The following EIF2S1 variants were observed in gnomAD, a reference collection of about 807,000 sequenced individuals.
The protein encoded by EIF2S1 is eukaryotic translation initiation factor 2 subunit alpha.
Under a neutral mutation model 33.5 loss-of-function variants are expected in EIF2S1, and 5 were observed. That is an observed-to-expected ratio of 0.15 (90% CI 0.08 to 0.31). The LOEUF is 0.31. Ranked by LOEUF, EIF2S1 falls within the 10% of genes least tolerant of loss-of-function variation. The probability of loss-of-function intolerance (pLI) is 1.00; values close to 1 mark genes in which losing one functional copy is unlikely to be tolerated. For synonymous variants in EIF2S1, 99 were observed against 127.5 expected (o/e 0.78, Z 1.51); for missense variants, 191 against 384.6 (o/e 0.50, Z 4.21).
chr14:67,366,735 A>G (rs757163967), intron 2 of EIF2S1, among the ~76,000 whole-genome samples: 6 of 152,154 alleles, frequency 3.9e-5, no homozygotes, highest in Non-Finnish European at 7.3e-5. Context: ...CGTAAATGCC[A>G]TAAACCCTGA....
chr14:67,382,865 T>C (rs1289982499), intron 7 of EIF2S1, among the ~76,000 whole-genome samples: 4 of 152,090 alleles, frequency 2.6e-5, no homozygotes, highest in African/African-American at 9.7e-5. Context: ...CTCCTGTCTT[T>C]TCCTTGTCCA....
intron 4 of EIF2S1, among the ~76,000 whole-genome samples, chr14:67,379,451 C>T (rs899906015): frequency 1.3e-5 from 2 of 152,066 alleles, no homozygotes; most frequent in Non-Finnish European, 2.9e-5. Flanking sequence ...CTGTTCACCT[C>T]ATTTGCCCAT....
Position 67,382,585 on chromosome 14 carries a change from A to G in EIF2S1, c.817A>G (p.Met273Val). The G allele has an allele frequency of 1.9e-6, 3 of 1,613,874 alleles. No homozygotes were observed. Among genetic ancestry groups the G allele is most frequent in the Non-Finnish European group, 2.5e-6 (3 of 1,179,850 alleles). Residue 273 changes from methionine (M) to valine (V), a missense_variant, in exon 7 of 8, where the codon ATG (methionine) becomes GTG (valine). By Grantham distance (21) the Met-to-Val change is conservative (BLOSUM62 1). Transcript: ENST00000256383. Reference sequence around the variant, plus strand: ...AAAGAGGGGTGTGTTCAATGTTCAAATGGAGGTGAGATCAATAGATTCATT... The same window carrying G: ...AAAGAGGGGTGTGTTCAATGTTCAAGTGGAGGTGAGATCAATAGATTCATT... ...EEKRGVFNVQ[M>V]EPKVVTDTDE...
intron 5 of EIF2S1, among the ~76,000 whole-genome samples, chr14:67,381,309 C>G (rs2085886698): frequency 6.6e-6 from 1 of 152,154 alleles, no homozygotes; most frequent in South Asian, 2.1e-4. Flanking sequence ...CATACTTAAC[C>G]ATTTACACAA....
intron 2 of EIF2S1, among the ~76,000 whole-genome samples, chr14:67,369,781 A>G (rs988244618): frequency 6.6e-6 from 1 of 152,230 alleles, no homozygotes; most frequent in African/African-American, 2.4e-5. Context: ...ATAAAGATCT[A>G]AAACAGTTAT....
intron 4 of EIF2S1, among the ~76,000 whole-genome samples, chr14:67,378,314 CTTTTT>C (rs34487632): frequency 1.9e-5 from 2 of 107,628 alleles, no homozygotes; most frequent in African/African-American, 6.9e-5. Context: ...TCTCATGTGA[CTTTTT>C]TTTTTTTTTT....
chr14:67,370,661 A>G (rs74414804), intron 2 of EIF2S1, among the ~76,000 whole-genome samples: 3,155 of 152,314 alleles, frequency 0.021, 44 homozygotes, highest in Middle Eastern at 0.034. Context: ...ACTGACCAAT[A>G]TAAAATAGAA....
intron 1 of EIF2S1, among the ~76,000 whole-genome samples, chr14:67,362,352 C>T (rs1429600351): frequency 1.3e-5 from 2 of 151,742 alleles, no homozygotes; most frequent in Admixed American, 6.6e-5. Context: ...ATCATTAGTG[C>T]TTAGTACATA....
intron 5 of EIF2S1, among the ~76,000 whole-genome samples, chr14:67,381,022 TTTTG>T (rs1190134817): frequency 2.6e-5 from 4 of 152,306 alleles, no homozygotes; most frequent in South Asian, 2.1e-4. Context: ...GGTTTGATTG[TTTTG>T]TTTTAGTGCA....
chr14:67,370,533 C>T (rs552166347), intron 2 of EIF2S1, among the ~76,000 whole-genome samples: 7 of 152,234 alleles, frequency 4.6e-5, no homozygotes, highest in Non-Finnish European at 1.0e-4. Context: ...GGGGCTATCA[C>T]TGCAGATGCT....
At chr14:67,370,815 C>T (rs886757413) in intron 2 of EIF2S1, among the ~76,000 whole-genome samples, 1 of 152,104 alleles carries the variant, frequency 6.6e-6, no homozygotes, top group Non-Finnish European at 1.5e-5. Flanking sequence ...TGCTTGAGCC[C>T]AGGAGTTCAA....
At position 67,385,884 on chromosome 14, in the gene EIF2S1, G is replaced by C. The variant is rs1036370226; in HGVS notation, c.*2444G>C. On this transcript the variant is annotated 3_prime_UTR_variant, in exon 8 of 8. Coordinates refer to ENST00000256383, the MANE Select transcript of EIF2S1 (RefSeq NM_004094.5). ...GCTAAGCACTACATCATGCTAAGAA[G>C]AACAGTTATTACTCAGCTGCCATAC... 3.3e-5 allele frequency: 5 copies of C among 152,082 alleles called. No individual in the cohort carries two copies. The highest frequency in any genetic ancestry group is 7.2e-5 in the African/African-American group (3 of 41,412). The allele number at this position is 152,082 out of a possible 1,614,324, so 9.4% of individuals were successfully genotyped here.
At position 67,383,508 on chromosome 14, in the gene EIF2S1, T is replaced by G. The variant is rs148521707; in HGVS notation, c.*68T>G. The stretch of plus-strand genomic sequence containing the variant: ...GCTTCCTGGCTGTAAATCCTAGACT[T>G]GAAAGTTTTCCAGTATTGAAAACTT... On this transcript the variant is annotated 3_prime_UTR_variant, in exon 8 of 8. Transcript: ENST00000256383. The G allele has an allele frequency of 7.3e-4, 1,169 of 1,592,910 alleles. 11 individuals carry two copies. In the East Asian group the frequency reaches 0.011, roughly 14 times the overall value.
chr14:67,363,987 G>C (rs975161442), intron 1 of EIF2S1: 1 of 152,176 alleles, frequency 6.6e-6, no homozygotes, highest in Admixed American at 6.5e-5. Context: ...CTGAAAGTAG[G>C]TTGGGTGGAT....
At chr14:67,378,709 G>T (rs1269021001) in intron 4 of EIF2S1, among the ~76,000 whole-genome samples, 1 of 152,194 alleles carries the variant, frequency 6.6e-6, no homozygotes, top group Non-Finnish European at 1.5e-5. Context: ...CTTGGCGTGT[G>T]TTATTCCCTT....
chr14:67,363,486 A>C (rs890433743), intron 1 of EIF2S1, among the ~76,000 whole-genome samples: 3 of 152,032 alleles, frequency 2.0e-5, no homozygotes. Context: ...TCTAATTATA[A>C]TATATTTATG....
At chr14:67,375,560 T>G (rs2085853290) in intron 3 of EIF2S1, among the ~76,000 whole-genome samples, 1 of 152,012 alleles carries the variant, frequency 6.6e-6, no homozygotes, top group African/African-American at 2.4e-5. Flanking sequence ...ATGAAGAGAT[T>G]TTAAAAAATC....
chr14:67,368,414 A>C (rs1428174532), intron 2 of EIF2S1, among the ~76,000 whole-genome samples: 1 of 152,182 alleles, frequency 6.6e-6, no homozygotes, highest in Non-Finnish European at 1.5e-5. Flanking sequence ...CACCTGACGG[A>C]GGGGCAGTCT....
Position 67,364,812 on chromosome 14 carries a change from G to A in EIF2S1, c.45G>A (p.Glu15=). 2 of 1,613,854 alleles carry A rather than the reference G, an allele frequency of 1.2e-6. No individual in the cohort carries two copies. Among genetic ancestry groups the A allele is most frequent in the Non-Finnish European group, 1.7e-6 (2 of 1,179,864 alleles). Residue 15 remains glutamate, a synonymous_variant, in exon 2 of 8, where the codon GAG becomes GAA. Coordinates refer to ENST00000256383, the MANE Select transcript of EIF2S1 (RefSeq NM_004094.5). ...SCRFYQHKFP[E]VEDVVMVNVR... is the part of the protein sequence containing the mutation. ...GATTTTATCAACACAAATTTCCTGAGGTGGAAGATGTAGTGATGGTGAATG... is the reference window on the plus strand; with the variant it reads ...GATTTTATCAACACAAATTTCCTGAAGTGGAAGATGTAGTGATGGTGAATG...
Sources: allele counts gnomAD v4.1 joint callset (sites outside exome capture counted in the v4.1 genomes callset), GRCh38; gene constraint gnomAD v4.1.1; transcripts MANE v1.5; gene names NCBI Gene and HGNC (gene_info 2026-07-23, HGNC 2026-07-21).